Variants in CLSTN1 observed in about 807,000 individuals in gnomAD.
CLSTN1 encodes the protein calsyntenin 1, also known as calsyntenin-1.
A neutral mutation model predicts 108.3 loss-of-function variants in CLSTN1; 28 were observed. The observed-to-expected ratio is 0.26, with a 90% CI of 0.19 to 0.35. The LOEUF (loss-of-function observed/expected upper bound fraction) is 0.35. Among genes scored for constraint, CLSTN1 ranks in the 10% least tolerant of loss-of-function variants. The probability of loss-of-function intolerance (pLI) is 1.00; values close to 1 mark genes in which losing one functional copy is unlikely to be tolerated. For missense variants in CLSTN1, 1,157 were observed against 1,302.6 expected (o/e 0.89, Z 1.72); for synonymous variants, 524 against 534.9 (o/e 0.98, Z 0.28).
In CLSTN1 at chr1:9,728,936, GTTCTT is replaced by G. The variant is rs912521239; in HGVS notation, c.*1567_*1571del. On this transcript the variant is annotated 3_prime_UTR_variant, in exon 19 of 19. Transcript: ENST00000377298. ...GAAAAGAAAGAAAAAGCCTTTTTAT[GTTCTT>G]TTATGTTCTCGGCTCAAAAAGAAAC... 5 of 152,320 alleles carry G rather than the reference GTTCTT, an allele frequency of 3.3e-5. No homozygotes were observed. Among genetic ancestry groups the G allele is most frequent in the Middle Eastern group, 3.4e-3 (1 of 294 alleles). 9.4% of individuals were successfully genotyped at this position (152,320 alleles called of 1,614,324 possible).
chr1:9,800,300 G>T (rs61480005), intron 1 of CLSTN1, among the ~76,000 whole-genome samples: 1 of 151,334 alleles, frequency 6.6e-6, no homozygotes, highest in African/African-American at 2.4e-5. Context: ...CTGGTTTTTT[G>T]AAAAGATCAA....
chr1:9,758,086 C>T (rs1267221353), intron 2 of CLSTN1, among the ~76,000 whole-genome samples: 1 of 152,008 alleles, frequency 6.6e-6, no homozygotes, highest in Admixed American at 6.6e-5. Flanking sequence ...CTCTGCCTCC[C>T]GGGTTCAAGC....
At chr1:9,744,028 T>A in intron 8 of CLSTN1, 23 bp from the exon 9 acceptor site, 3 of 1,606,644 alleles carry the variant, frequency 1.9e-6, no homozygotes, top group Non-Finnish European at 2.6e-6. Flanking sequence ...TTTCTATGGG[T>A]AAATTGCCAA....
rs932000551 is a variant in CLSTN1 at position 9,731,900 on chromosome 1, T to C, written c.2428-4A>G. 1.1e-5 allele frequency: 17 copies of C among 1,613,994 alleles called. No individual in the cohort carries two copies. The highest frequency in any genetic ancestry group is 4.0e-5 in the African/African-American group (3 of 74,902). On this transcript the variant is annotated splice_polypyrimidine_tract_variant and splice_region_variant and intron_variant, in intron 16 of 18. Transcript: ENST00000377298. ...TGGCCGTGTGGATTACATTCACCTATAGCAGAGAAAGAGAGGATCGCTGGA... is the reference window on the plus strand; with the variant it reads ...TGGCCGTGTGGATTACATTCACCTACAGCAGAGAAAGAGAGGATCGCTGGA...
In CLSTN1 at chr1:9,729,047, T is replaced by C. The variant is rs1336549119; in HGVS notation, c.*1461A>G. 1.3e-5 allele frequency: 2 copies of C among 152,226 alleles called. No homozygotes were observed. Among genetic ancestry groups the C allele is most frequent in the Non-Finnish European group, 2.9e-5 (2 of 68,042 alleles). The allele number at this position is 152,226 out of a possible 1,614,324, so 9.4% of individuals were successfully genotyped here. A position where few individuals can be genotyped will look rare whatever the true frequency, so the allele number is the denominator to read the frequency against. ...GGAGTTAGTTAGAACCAGAACTTTA[T>C]TGTAGCGGATACACTTTCTGACCTA... On this transcript the variant is annotated 3_prime_UTR_variant, in exon 19 of 19. Coordinates refer to ENST00000377298, the MANE Select transcript of CLSTN1 (RefSeq NM_001009566.3).
At chr1:9,760,071 T>C (rs1393589567) in intron 2 of CLSTN1, among the ~76,000 whole-genome samples, 1 of 152,120 alleles carries the variant, frequency 6.6e-6, no homozygotes, top group Non-Finnish European at 1.5e-5. Flanking sequence ...TTCCTGCTTG[T>C]TGGTTGGTTG....
In CLSTN1 at chr1:9,750,715, CAA is replaced by C. The variant is rs775430059; in HGVS notation, c.649+756_649+757del. On this transcript the variant is annotated intron_variant, in intron 5 of 18. Coordinates refer to ENST00000377298, the MANE Select transcript of CLSTN1 (RefSeq NM_001009566.3). ...CGACAGAGCAAGACCTTCCCTCAAA[CAA>C]AAAAAAAAAAAAAAAAGATGTCACA... Among the ~76,000 whole-genome samples, 117 of 77,118 alleles carry C rather than the reference CAA, an allele frequency of 1.5e-3. No homozygotes were observed. The South Asian group carries it at 0.016, about 11-fold the overall frequency. The allele number at this position is 77,118 out of a possible 152,430, so 50.6% of individuals were successfully genotyped here. A position where few individuals can be genotyped will look rare whatever the true frequency, so the allele number is the denominator to read the frequency against.
rs1570536458 is a variant in CLSTN1 at position 9,823,290 on chromosome 1, C to G, written c.91+353G>C. Among the ~76,000 whole-genome samples, 1 of 152,220 alleles carries G rather than the reference C, an allele frequency of 6.6e-6. No homozygotes were observed. The highest frequency in any genetic ancestry group is 2.4e-5 in the African/African-American group (1 of 41,466). Reference sequence around the variant, plus strand: ...GAGCAGGGCGGACTGACCCTTCGGCCCGTCTGCACGTTCCCCCAAATCAGC... The same window carrying G: ...GAGCAGGGCGGACTGACCCTTCGGCGCGTCTGCACGTTCCCCCAAATCAGC... On this transcript the variant is annotated intron_variant, in intron 1 of 18. Transcript: ENST00000377298. The surrounding 1 kb of genome is among the most constrained non-coding windows in gnomAD (Gnocchi z 6.3).
intron 2 of CLSTN1, among the ~76,000 whole-genome samples, chr1:9,771,750 C>A (rs1280937206): frequency 6.6e-6 from 1 of 152,118 alleles, no homozygotes; most frequent in East Asian, 1.9e-4. Context: ...TTAATAAACA[C>A]ACAAAACAAC....
At chr1:9,784,996 CTTTT>C (rs549145155) in intron 1 of CLSTN1, among the ~76,000 whole-genome samples, 2 of 133,456 alleles carry the variant, frequency 1.5e-5, no homozygotes, top group African/African-American at 5.5e-5. Context: ...GTCATAAATT[CTTTT>C]TTTTTTTTTT....
intron 1 of CLSTN1, among the ~76,000 whole-genome samples, chr1:9,792,221 A>C (rs901035237): frequency 1.3e-5 from 2 of 151,126 alleles, no homozygotes; most frequent in Non-Finnish European, 2.9e-5. Context: ...AACAAAAAAA[A>C]CAGGCCAGGC....
At chr1:9,785,297 T>C (rs1653434360) in intron 1 of CLSTN1, among the ~76,000 whole-genome samples, 1 of 152,106 alleles carries the variant, frequency 6.6e-6, no homozygotes, top group Non-Finnish European at 1.5e-5. Flanking sequence ...CGTGACCCAC[T>C]GCACCCAGCT....
At chr1:9,810,174 G>C (rs1654688511) in intron 1 of CLSTN1, among the ~76,000 whole-genome samples, 1 of 57,164 alleles carries the variant, frequency 1.7e-5, no homozygotes, top group Non-Finnish European at 3.7e-5. Context: ...AGGGAGGGAA[G>C]GCAGGCAAGC....
In CLSTN1 at chr1:9,744,024, T is replaced by C. The variant is rs1218325211; in HGVS notation, c.1235-19A>G. ...TTCATATCTGCAAAGGCAGTTTCTA[T>C]GGGTAAATTGCCAACTAAAGATCCA... On this transcript the variant is annotated intron_variant, in intron 8 of 18. Transcript: ENST00000377298. 1.2e-6 allele frequency: 2 copies of C among 1,608,118 alleles called. No individual in the cohort carries two copies. Among genetic ancestry groups the C allele is most frequent in the Non-Finnish European group, 1.7e-6 (2 of 1,176,750 alleles).
chr1:9,745,765 GTTTTTTTTTT>G (rs778360021), intron 7 of CLSTN1, among the ~76,000 whole-genome samples: 2 of 100,910 alleles, frequency 2.0e-5, no homozygotes, highest in Non-Finnish European at 3.8e-5. Flanking sequence ...CTGAATAGTT[GTTTTTTTTTT>G]TTTTTTTTTT....
At chr1:9,756,451 A>G (rs758068736) in intron 3 of CLSTN1, 30 bp downstream of exon 3, 3 of 1,597,562 alleles carry the variant, frequency 1.9e-6, no homozygotes, top group Admixed American at 1.7e-5. Context: ...GTTAATATTC[A>G]TAAGAGGGGA....
At chr1:9,751,422 G>T in intron 5 of CLSTN1, 51 bp downstream of exon 5, 1 of 1,569,278 alleles carries the variant, frequency 6.4e-7, no homozygotes. Context: ...AAGTCAGTGG[G>T]GTTAGCAGGG....
At chr1:9,733,868 A>G (rs928260819) in intron 15 of CLSTN1, 104 bp downstream of exon 15, 1 of 1,241,340 alleles carries the variant, frequency 8.1e-7, no homozygotes, top group African/African-American at 1.5e-5. Flanking sequence ...ATCTCCCTCT[A>G]AGATAACTCA....
intron 16 of CLSTN1, 116 bp downstream of exon 16, chr1:9,733,285 T>C: frequency 7.8e-7 from 1 of 1,289,854 alleles, no homozygotes; most frequent in Non-Finnish European, 1.1e-6. Context: ...AGAATGAGCC[T>C]GTATAGCTGC....
Sources: gnomAD v4.1 joint callset for allele counts (sites outside exome capture counted in the v4.1 genomes callset) on GRCh38, gnomAD v4.1.1 for gene constraint, Gnocchi (gnomAD v3.1) non-coding constraint, MANE v1.5 for transcripts, NCBI Gene and HGNC (gene_info 2026-07-23, HGNC 2026-07-21) for gene names.